Variants in SMOC1 observed in about 807,000 individuals in gnomAD.
SMOC1 encodes the protein SPARC related modular calcium binding 1, also known as SPARC-related modular calcium-binding protein 1.
Under a neutral mutation model 56.3 loss-of-function variants are expected in SMOC1, and 22 were observed. That is an observed-to-expected ratio of 0.39 (90% CI 0.28 to 0.56). The LOEUF (loss-of-function observed/expected upper bound fraction) is 0.56, where lower values mean the gene tolerates loss of function less well. Among genes scored for constraint, SMOC1 ranks in the 20% least tolerant of loss-of-function variants. The probability of loss-of-function intolerance (pLI) is 0.61; values close to 1 mark genes in which losing one functional copy is unlikely to be tolerated. For synonymous variants in SMOC1, 193 were observed against 215.0 expected (o/e 0.90, Z 0.89); for missense variants, 509 against 565.4 (o/e 0.90, Z 1.01).
intron 1 of SMOC1, among the ~76,000 whole-genome samples, chr14:69,932,937 A>C (rs1885205067): frequency 6.6e-6 from 1 of 152,194 alleles, no homozygotes; most frequent in South Asian, 2.1e-4. Context: ...CTAGGGCAGT[A>C]GTTTTAAAAT....
intron 10 of SMOC1, among the ~76,000 whole-genome samples, chr14:70,016,023 C>T (rs942876228): frequency 2.6e-5 from 4 of 152,146 alleles, no homozygotes; most frequent in Admixed American, 6.5e-5. Flanking sequence ...TGGCACTGCC[C>T]CCCAGCTCAG....
rs765048931 is a variant in SMOC1 at position 69,895,470 on chromosome 14, G to A, written c.99+15693G>A. Among the ~76,000 whole-genome samples the A allele has an allele frequency of 9.8e-5, 15 of 152,332 alleles. No homozygotes were observed. In the South Asian group the frequency reaches 3.1e-3, roughly 32 times the overall value. On this transcript the variant is annotated intron_variant, in intron 1 of 11. Coordinates refer to ENST00000361956, the MANE Select transcript of SMOC1 (RefSeq NM_001034852.3). ...GCTCTGCAGCAGTGAGAGCATGTTTGATCTGAAGGTCGACATGATAGTTTC... is the reference window on the plus strand; with the variant it reads ...GCTCTGCAGCAGTGAGAGCATGTTTAATCTGAAGGTCGACATGATAGTTTC...
intron 3 of SMOC1, among the ~76,000 whole-genome samples, chr14:69,954,338 C>T (rs1883112744): frequency 6.6e-6 from 1 of 152,110 alleles, no homozygotes. Flanking sequence ...GCCACCACAC[C>T]CAGCTTATTT....
At chr14:69,986,183 A>G (rs896419558) in intron 5 of SMOC1, among the ~76,000 whole-genome samples, 3 of 152,268 alleles carry the variant, frequency 2.0e-5, no homozygotes, top group Non-Finnish European at 4.4e-5. Context: ...GATTCCATTT[A>G]TATAACAGTC....
chr14:69,883,888 C>CTTTT (rs1566659816), intron 1 of SMOC1, among the ~76,000 whole-genome samples: 24 of 59,154 alleles, frequency 4.1e-4, no homozygotes, highest in African/African-American at 7.2e-4. Context: ...TGATGTTGAG[C>CTTTT]ATTTTTTTTT....
chr14:69,895,995 C>A (rs1048316803), intron 1 of SMOC1, among the ~76,000 whole-genome samples: 2 of 151,620 alleles, frequency 1.3e-5, no homozygotes, highest in Non-Finnish European at 2.9e-5. Context: ...CTAAGATGTG[C>A]CTCCACACCT....
chr14:69,910,154 T>C (rs967521402), intron 1 of SMOC1, among the ~76,000 whole-genome samples: 7 of 152,220 alleles, frequency 4.6e-5, no homozygotes, highest in Admixed American at 3.3e-4. Flanking sequence ...TCAAGTCCTA[T>C]GTTAGGTGTT....
At chr14:69,938,465 C>T (rs547886714) in intron 1 of SMOC1, among the ~76,000 whole-genome samples, 7 of 149,832 alleles carry the variant, frequency 4.7e-5, no homozygotes, top group African/African-American at 1.2e-4. Flanking sequence ...TGAGGGCTAA[C>T]GGCAGCTCTG....
At chr14:69,932,220 T>C (rs1008245595) in intron 1 of SMOC1, among the ~76,000 whole-genome samples, 45 of 152,310 alleles carry the variant, frequency 3.0e-4, no homozygotes, top group Middle Eastern at 3.4e-3. Context: ...TGCCTGCAGA[T>C]GTGTGAAGCC....
chr14:70,019,187 G>A (rs1246479843), intron 10 of SMOC1, among the ~76,000 whole-genome samples: 1 of 152,206 alleles, frequency 6.6e-6, no homozygotes, highest in Non-Finnish European at 1.5e-5. Context: ...CCAGTTTGGG[G>A]AGGAACTTGG....
At chr14:69,977,073 G>T (rs949594315) in intron 4 of SMOC1, among the ~76,000 whole-genome samples, 1 of 152,158 alleles carries the variant, frequency 6.6e-6, no homozygotes, top group African/African-American at 2.4e-5. Context: ...GCAAACAAAC[G>T]ACTAGAAACA....
In SMOC1 at chr14:69,914,043, C is replaced by T. The variant is rs143587688; in HGVS notation, c.99+34266C>T. Among the ~76,000 whole-genome samples the T allele has an allele frequency of 2.1e-3, 325 of 152,336 alleles. 3 individuals are homozygous for T. In the Middle Eastern group the frequency reaches 0.027, roughly 13 times the overall value. On this transcript the variant is annotated intron_variant, in intron 1 of 11. Transcript: ENST00000361956. ...ACCAGTGGTTCTCAAAGTATGGTCA[C>T]TAGACCAGCAGCATCATTATCACCA...
chr14:69,879,561 A>G lies in SMOC1; in HGVS notation c.-118A>G, dbSNP rs1883571444. ...CTCTGCGAGCCCCCGCCGCAGGACCACGGCCCGCTCCCCGCCGCCGCGAGG... is the reference window on the plus strand; with the variant it reads ...CTCTGCGAGCCCCCGCCGCAGGACCGCGGCCCGCTCCCCGCCGCCGCGAGG... On this transcript the variant is annotated 5_prime_UTR_variant, in exon 1 of 12. Coordinates refer to ENST00000361956, the MANE Select transcript of SMOC1 (RefSeq NM_001034852.3). 9.2e-6 allele frequency: 7 copies of G among 760,102 alleles called. No individual in the cohort carries two copies. In the South Asian group the frequency reaches 2.1e-4, roughly 23 times the overall value. 47.1% of individuals were successfully genotyped at this position (760,102 alleles called of 1,614,324 possible).
intron 11 of SMOC1, 59 bp from the exon 12 acceptor site, chr14:70,030,183 G>C: frequency 6.2e-7 from 1 of 1,604,778 alleles, no homozygotes; most frequent in South Asian, 1.1e-5. Context: ...CTAACTTCTT[G>C]CTTATATCTG....
intron 1 of SMOC1, among the ~76,000 whole-genome samples, chr14:69,910,828 G>A (rs1295443374): frequency 6.6e-6 from 1 of 152,128 alleles, no homozygotes; most frequent in African/African-American, 2.4e-5. Context: ...TTGAGGGTAC[G>A]CTGTCCTCTG....
intron 3 of SMOC1, among the ~76,000 whole-genome samples, chr14:69,965,878 A>C (rs1883556460): frequency 6.6e-6 from 1 of 152,240 alleles, no homozygotes; most frequent in Non-Finnish European, 1.5e-5. Flanking sequence ...CTGCTCTGTG[A>C]GTGCACGTAA....
chr14:69,936,936 A>G (rs1471621824), intron 1 of SMOC1, among the ~76,000 whole-genome samples: 1 of 152,146 alleles, frequency 6.6e-6, no homozygotes, highest in Non-Finnish European at 1.5e-5. Flanking sequence ...AGTATGTATT[A>G]TATGTATGTA....
At chr14:69,970,061 C>T (rs1317337353) in intron 3 of SMOC1, among the ~76,000 whole-genome samples, 1 of 152,026 alleles carries the variant, frequency 6.6e-6, no homozygotes, top group Non-Finnish European at 1.5e-5. Context: ...AGGCCTCACC[C>T]CTGCCATAGA....
At chr14:70,026,481 G>T (rs528882891) in intron 11 of SMOC1, among the ~76,000 whole-genome samples, 1 of 152,330 alleles carries the variant, frequency 6.6e-6, no homozygotes, top group South Asian at 2.1e-4. Context: ...CCTGACAGAA[G>T]CATCCAGAGA....
Sources: gnomAD v4.1 joint callset for allele counts (sites outside exome capture counted in the v4.1 genomes callset) on GRCh38, gnomAD v4.1.1 for gene constraint, MANE v1.5 for transcripts, NCBI Gene and HGNC (gene_info 2026-07-23, HGNC 2026-07-21) for gene names.